PSME3: variants seen among roughly 807,000 people sequenced by gnomAD.
The protein encoded by PSME3 is proteasome activator complex subunit 3.
A neutral mutation model predicts 38.3 loss-of-function variants in PSME3; 7 were observed. The observed-to-expected ratio is 0.18, with a 90% confidence interval of 0.10 to 0.34. The LOEUF is 0.34. Ranked by LOEUF, PSME3 falls within the 10% of genes least tolerant of loss-of-function variation. The probability of loss-of-function intolerance (pLI) is 1.00; values close to 1 mark genes in which losing one functional copy is unlikely to be tolerated. For missense variants in PSME3, 192 were observed against 307.6 expected, an observed-to-expected ratio of 0.62 and a Z score of 2.81; for synonymous variants, 108 against 105.7, an observed-to-expected ratio of 1.02 and a Z score of -0.13.
rs372049546 is a variant in PSME3 at position 42,840,135 on chromosome 17, T to C, written c.684+755T>C. On this transcript the variant is annotated intron_variant, in intron 10 of 10. Coordinates refer to ENST00000590720, the MANE Select transcript of PSME3 (RefSeq NM_005789.4). ...TTACTAAAAAAAAAAAAAAAAAATT[T>C]AGCCGGGCGTGGCGGCACATGCCTT... Among the ~76,000 whole-genome samples the C allele has an allele frequency of 1.4e-4, 21 of 147,930 alleles. No individual in the cohort carries two copies. In the East Asian group the frequency reaches 3.4e-3, roughly 24 times the overall value.
chr17:42,840,274 A>G (rs1160740999), intron 10 of PSME3, among the ~76,000 whole-genome samples: 1 of 151,258 alleles, frequency 6.6e-6, no homozygotes, highest in East Asian at 1.9e-4. Context: ...CAAGAGCGAA[A>G]CTCCGCCTCA....
intron 10 of PSME3, among the ~76,000 whole-genome samples, chr17:42,840,551 T>C (rs1443562928): frequency 1.4e-5 from 2 of 143,758 alleles, no homozygotes; most frequent in South Asian, 5.2e-4. Flanking sequence ...TAGGTTGCAG[T>C]GAGCCGAGAT....
chr17:42,839,443 G>A (rs1250204466), intron 10 of PSME3, 63 bp downstream of exon 10: 3 of 1,360,290 alleles, frequency 2.2e-6, no homozygotes, highest in Non-Finnish European at 3.1e-6. Flanking sequence ...TGAGAGTATT[G>A]TTAAAATTCT....
chr17:42,834,162 A>G lies in PSME3; in HGVS notation c.43-182A>G, dbSNP rs751822095. ...AGGAGACAGGCAGGTGCTGTCCTCA[A>G]AGCCCTGCGTTCTTCTGAGATGGAA... On this transcript the variant is annotated intron_variant, in intron 1 of 10. Coordinates refer to ENST00000590720, the MANE Select transcript of PSME3 (RefSeq NM_005789.4). 4.0e-5 allele frequency: 60 copies of G among 1,506,710 alleles called. 1 individual carries two copies. The South Asian group carries it at 7.3e-4, about 18-fold the overall frequency. 93.3% of individuals were successfully genotyped at this position (1,506,710 alleles called of 1,614,324 possible). A position where few individuals can be genotyped will look rare whatever the true frequency, so the allele number is the denominator to read the frequency against.
intron 3 of PSME3, 23 bp downstream of exon 3, chr17:42,834,600 CAA>C: frequency 1.2e-6 from 2 of 1,612,412 alleles, no homozygotes; most frequent in Non-Finnish European, 1.7e-6. Context: ...ATTCTTTCCT[CAA>C]ATTCCCCAAT....
chr17:42,840,389 T>C (rs1205552856), intron 10 of PSME3, among the ~76,000 whole-genome samples: 2 of 152,082 alleles, frequency 1.3e-5, no homozygotes. Flanking sequence ...GTGGATCACA[T>C]GAGGTCAGGA....
chr17:42,837,780 T>C, intron 5 of PSME3, 83 bp downstream of exon 5: 2 of 1,466,054 alleles, frequency 1.4e-6, no homozygotes, highest in Non-Finnish European at 1.9e-6. Flanking sequence ...AGTGTTCTCC[T>C]GACCAGGAGG....
At chr17:42,834,640 T>G in intron 3 of PSME3, 63 bp downstream of exon 3, 1 of 1,603,742 alleles carries the variant, frequency 6.2e-7, no homozygotes, top group Non-Finnish European at 8.5e-7. Flanking sequence ...TACTGTCAAC[T>G]GGGATAAACT....
In PSME3 at chr17:42,838,269, G is replaced by A. The variant is rs116390941; in HGVS notation, c.405+64G>A. The A allele has an allele frequency of 4.1e-4, 662 of 1,605,016 alleles. 1 individual carries two copies. The African/African-American group carries it at 7.6e-3, about 18-fold the overall frequency. On this transcript the variant is annotated intron_variant, in intron 6 of 10. Coordinates refer to ENST00000590720, the MANE Select transcript of PSME3 (RefSeq NM_005789.4). ...TACCCCACCTGAAGTGCAAAAAACA[G>A]TGGATGTACGGGTGGTATGGGAATT...
intron 5 of PSME3, 24 bp downstream of exon 5, chr17:42,837,721 T>TC (rs2055480136): frequency 6.2e-7 from 1 of 1,609,364 alleles, no homozygotes; most frequent in Non-Finnish European, 8.5e-7. Context: ...TTACCTCACC[T>TC]CCCCTCACCC....
rs1030694432 is a variant in PSME3 at position 42,833,448 on chromosome 17, C to T, written c.-184C>T. On this transcript the variant is annotated 5_prime_UTR_variant, in exon 1 of 11. Transcript: ENST00000590720. ...CCGGGAGGGCGAGCGAGAGAGCAAG[C>T]AGGCAGCAGGCTGCCGGCGGGCGGG... is the stretch of plus-strand genomic sequence containing the variant. The T allele has an allele frequency of 1.4e-5, 9 of 662,088 alleles. No individual in the cohort carries two copies. Among genetic ancestry groups the T allele is most frequent in the Admixed American group, 5.8e-5 (2 of 34,556 alleles). The allele number at this position is 662,088 out of a possible 1,614,324, so 41.0% of individuals were successfully genotyped here.
In PSME3 at chr17:42,838,118, T is replaced by C; in HGVS notation, c.318T>C (p.Asn106=). ...FQGTKVFVMP[N]GMLKSNQQLV... is the part of the protein sequence containing the mutation. ...GAACCAAGGTGTTTGTGATGCCCAA[T>C]GGGATGCTGAAAAGCAACCAGCAGC... Residue 106 remains asparagine, a synonymous_variant, in exon 6 of 11, where the codon AAT becomes AAC. Coordinates refer to ENST00000590720, the MANE Select transcript of PSME3 (RefSeq NM_005789.4). 1.2e-6 allele frequency: 2 copies of C among 1,614,112 alleles called. No individual in the cohort carries two copies. The highest frequency in any genetic ancestry group is 1.7e-6 in the Non-Finnish European group (2 of 1,180,008).
At chr17:42,838,593 CCGG>C (rs1447404016) in intron 6 of PSME3, 135 bp from the exon 7 acceptor site, 2 of 852,604 alleles carry the variant, frequency 2.3e-6, no homozygotes, top group African/African-American at 3.4e-5. Context: ...GCTGGGATTA[CCGG>C]CATGAGCCAC....
In PSME3 at chr17:42,834,349, T is replaced by G. The variant is rs2055435951; in HGVS notation, c.48T>G (p.Asp16Glu). The G allele has an allele frequency of 6.2e-7, 1 of 1,613,972 alleles. No individual in the cohort carries two copies. The highest frequency in any genetic ancestry group is 8.5e-7 in the Non-Finnish European group (1 of 1,180,026). Residue 16 changes from aspartate to glutamate, a missense_variant, in exon 2 of 11, where the codon GAT becomes GAG. Physicochemically the swap from Asp to Glu is conservative, Grantham distance 45 (BLOSUM62 2). Transcript: ENST00000590720. ...GCTCTCTTTGTTAATTTTAGGTTGA[T>G]TCTTTCAGGGAGCGGATCACAAGTG... Reference protein sequence around the residue: ...KVDQEVKLKVDSFRERITSEA... With the variant: ...KVDQEVKLKVESFRERITSEA...
chr17:42,834,022 G>A, intron 1 of PSME3: 3 of 1,439,794 alleles, frequency 2.1e-6, no homozygotes, highest in South Asian at 1.5e-5. Flanking sequence ...ACTAGGTCTG[G>A]GTGGGGGTTG....
rs2055420441 is a variant in PSME3 at position 42,833,405 on chromosome 17, CG to C, written c.-225del. 5 of 600,030 alleles carry C rather than the reference CG, an allele frequency of 8.3e-6. No individual in the cohort carries two copies. The Admixed American group carries it at 8.9e-5, about 11-fold the overall frequency. 37.2% of individuals were successfully genotyped at this position (600,030 alleles called of 1,614,324 possible). On this transcript the variant is annotated 5_prime_UTR_variant, in exon 1 of 11. Coordinates refer to ENST00000590720, the MANE Select transcript of PSME3 (RefSeq NM_005789.4). ...CGGCGATTGGCTGTGACGCAGTTTC[CG>C]GCGTGAGCGGCGAAAGCCGGGAGGG...
chr17:42,836,097 C>T (rs541858283), intron 4 of PSME3, among the ~76,000 whole-genome samples: 6 of 151,518 alleles, frequency 4.0e-5, no homozygotes, highest in South Asian at 2.1e-4. Context: ...CTCCGCCTCC[C>T]GGGTTCAAGT....
At chr17:42,833,753 C>T in intron 1 of PSME3, 80 bp downstream of exon 1, 1 of 1,612,844 alleles carries the variant, frequency 6.2e-7, no homozygotes. Context: ...CCCATGGCGT[C>T]TTTGTCTCCC....
At chr17:42,837,259 C>A (rs2144248646) in intron 4 of PSME3, among the ~76,000 whole-genome samples, 1 of 152,224 alleles carries the variant, frequency 6.6e-6, no homozygotes, top group East Asian at 1.9e-4. Context: ...CTGTCTTGGC[C>A]AGGCTGGTCT....
Sources: allele counts gnomAD v4.1 joint callset (sites outside exome capture counted in the v4.1 genomes callset), GRCh38; gene constraint gnomAD v4.1.1; transcripts MANE v1.5; gene names NCBI Gene and HGNC (gene_info 2026-07-23, HGNC 2026-07-21).